Variants in ADGRL2 observed in about 807,000 individuals in gnomAD.
ADGRL2 encodes the protein calcium-independent alpha-latrotoxin receptor 2.
Under a neutral mutation model 157.4 loss-of-function variants are expected in ADGRL2, and 44 were observed. The ratio of observed to expected loss-of-function variants is 0.28; its 90% CI spans 0.22 to 0.36. The LOEUF is 0.36. ADGRL2 is among the 10% of genes least tolerant of loss of function. ADGRL2 has a pLI of 1.00. For synonymous variants in ADGRL2, 585 were observed against 624.7 expected, an observed-to-expected ratio of 0.94 and a Z score of 0.95; for missense variants, 1,510 against 1,768.9, an observed-to-expected ratio of 0.85 and a Z score of 2.63.
In ADGRL2 at chr1:81,981,890, A is replaced by T; in HGVS notation, c.3196A>T (p.Thr1066Ser). The change falls in exon 19 of 24, where the codon ACT (threonine) becomes TCT (serine). Residue 1066 changes from threonine to serine, a missense_variant. By Grantham distance (58) the Thr-to-Ser change is moderately conservative. Coordinates refer to ENST00000686636, the MANE Select transcript of ADGRL2 (RefSeq NM_001366006.2). ...SFGLLFINEE[T>S]IVMAYLFTIF... Reference sequence around the variant, plus strand: ...TGGGTTGCTTTTTATTAATGAGGAGACTATTGTGATGGCATATCTCTTCAC... The same window carrying T: ...TGGGTTGCTTTTTATTAATGAGGAGTCTATTGTGATGGCATATCTCTTCAC... 3 of 1,612,120 alleles carry T rather than the reference A, an allele frequency of 1.9e-6. No individual in the cohort carries two copies. Among genetic ancestry groups the T allele is most frequent in the Non-Finnish European group, 2.5e-6 (3 of 1,178,822 alleles).
chr1:81,877,828 G>A (rs966455431), intron 2 of ADGRL2, among the ~76,000 whole-genome samples: 2 of 152,038 alleles, frequency 1.3e-5, no homozygotes, highest in African/African-American at 4.8e-5. Context: ...GTTATTGAGT[G>A]TGACTTATCT....
chr1:81,987,347 C>T (rs1663459716), intron 22 of ADGRL2: 5 of 1,500,170 alleles, frequency 3.3e-6, no homozygotes, highest in Non-Finnish European at 4.6e-6. Context: ...TAGAGGTATC[C>T]TATCTATATA....
intron 2 of ADGRL2, among the ~76,000 whole-genome samples, chr1:81,894,892 A>G (rs2094348113): frequency 6.6e-6 from 1 of 152,118 alleles, no homozygotes; most frequent in Non-Finnish European, 1.5e-5. Context: ...GAGGAAAGAC[A>G]TGACATCACA....
chr1:81,367,590 G>A (rs573631324), intron 1 of ADGRL2, among the ~76,000 whole-genome samples: 247 of 151,988 alleles, frequency 1.6e-3, no homozygotes, highest in African/African-American at 5.5e-3. Context: ...ACGGAGTTTC[G>A]CTCTTATTGC....
chr1:81,519,212 T>C (rs1365752623), intron 2 of ADGRL2, among the ~76,000 whole-genome samples: 2 of 152,222 alleles, frequency 1.3e-5, no homozygotes, highest in African/African-American at 4.8e-5. Flanking sequence ...AGTTTTGACA[T>C]CATGGCAAAA....
At chr1:81,778,698 T>C (rs546384437) in intron 2 of ADGRL2, among the ~76,000 whole-genome samples, 3 of 152,258 alleles carry the variant, frequency 2.0e-5, no homozygotes, top group South Asian at 4.1e-4. Flanking sequence ...CTCCTCCCCA[T>C]TTTTCAAAGG....
chr1:81,527,569 G>T (rs1263177044), intron 2 of ADGRL2, among the ~76,000 whole-genome samples: 1 of 152,088 alleles, frequency 6.6e-6, no homozygotes, highest in Admixed American at 6.5e-5. Flanking sequence ...AAAATTAGCT[G>T]GGCGTGGTGG....
rs985485649 is a variant in ADGRL2 at position 81,669,753 on chromosome 1, T to C, written c.-143+88773T>C. The stretch of plus-strand genomic sequence containing the variant: ...GTCAGGAGATCGAGACCATCCTGGC[T>C]AACACGGTGAAACCCTGTCTCTACT... On this transcript the variant is annotated intron_variant, in intron 3 of 24. Coordinates refer to the ADGRL2 transcript ENST00000370721. Among the ~76,000 whole-genome samples the C allele has an allele frequency of 5.9e-5, 9 of 151,868 alleles. No individual in the cohort carries two copies. The East Asian group carries it at 7.8e-4, about 13-fold the overall frequency.
rs1457702308 is a variant in ADGRL2, at chr1:81,335,149, G to T, written c.-302+28640G>T. On this transcript the variant is annotated intron_variant, in intron 1 of 24. Transcript: ENST00000370721. ...GTTTGAATCTTATAATTCTTCCAAG[G>T]CCTTATGAATCATCTTATAATAACA... Among the ~76,000 whole-genome samples, 2 of 151,962 alleles carry T rather than the reference G, an allele frequency of 1.3e-5. 1 individual carries two copies. The highest frequency in any genetic ancestry group is 4.2e-4 in the South Asian group (2 of 4,814).
At chr1:81,980,409 CAAAT>C (rs1661321731) in intron 18 of ADGRL2, among the ~76,000 whole-genome samples, 1 of 151,646 alleles carries the variant, frequency 6.6e-6, no homozygotes, top group African/African-American at 2.4e-5. Flanking sequence ...TCATGCTAAA[CAAAT>C]ATTTACTTTT....
chr1:81,878,957 A>T (rs2151168083), intron 2 of ADGRL2, among the ~76,000 whole-genome samples: 1 of 152,362 alleles, frequency 6.6e-6, no homozygotes, highest in South Asian at 2.1e-4. Flanking sequence ...ATTCTGAAAG[A>T]AGATACTTCC....
intron 1 of ADGRL2, among the ~76,000 whole-genome samples, chr1:81,351,340 G>C (rs1383108836): frequency 6.6e-6 from 1 of 151,446 alleles, no homozygotes. Flanking sequence ...CTTTTGTTCT[G>C]CACCAGAGCC....
At chr1:81,810,389 T>C (rs539695201) in intron 1 of ADGRL2, among the ~76,000 whole-genome samples, 2 of 132,580 alleles carry the variant, frequency 1.5e-5, no homozygotes, top group South Asian at 5.2e-4. Context: ...AGTATTTCTA[T>C]GTGGAATTAT....
At chr1:81,541,430 G>A (rs546057087) in intron 2 of ADGRL2, among the ~76,000 whole-genome samples, 1 of 152,246 alleles carries the variant, frequency 6.6e-6, no homozygotes, top group South Asian at 2.1e-4. Flanking sequence ...CACTTTACCA[G>A]TGTATGATAA....
At chr1:81,502,023 T>A in intron 2 of ADGRL2, 34 of 1,603,626 alleles carry the variant, frequency 2.1e-5, no homozygotes, top group Non-Finnish European at 2.8e-5. Context: ...GTGGCCCAAG[T>A]GTTTGAACGG....
intron 2 of ADGRL2, among the ~76,000 whole-genome samples, chr1:81,779,628 T>G (rs2086734447): frequency 6.6e-6 from 1 of 152,318 alleles, no homozygotes; most frequent in Non-Finnish European, 1.5e-5. Flanking sequence ...GCATATGCTG[T>G]TTTAAATTCA....
At chr1:81,316,153 G>A (rs1050718272) in intron 1 of ADGRL2, among the ~76,000 whole-genome samples, 4 of 150,620 alleles carry the variant, frequency 2.7e-5, no homozygotes, top group Non-Finnish European at 5.9e-5. Context: ...GAAAAAAGAA[G>A]AAAGGTAGAC....
chr1:81,741,342 C>T (rs1184315938), intron 1 of ADGRL2, among the ~76,000 whole-genome samples: 2 of 151,960 alleles, frequency 1.3e-5, no homozygotes, highest in African/African-American at 2.4e-5. Flanking sequence ...GTATATTTTA[C>T]ATTTTTAGTG....
In ADGRL2 at chr1:81,963,872, T is replaced by G. The variant is rs530494555; in HGVS notation, c.2018-2186T>G. Among the ~76,000 whole-genome samples, 4 of 151,322 alleles carry G rather than the reference T, an allele frequency of 2.6e-5. No homozygotes were observed. In the South Asian group the frequency reaches 8.4e-4, roughly 32 times the overall value. On this transcript the variant is annotated intron_variant, in intron 11 of 23. Transcript: ENST00000686636. ...TTTTTCTGTTTTCTGAAACAGAAAA[T>G]AGAAATCTTATTTAAAATTCAGTAT...
Sources: gnomAD v4.1 joint callset for allele counts (sites outside exome capture counted in the v4.1 genomes callset) on GRCh38, gnomAD v4.1.1 for gene constraint, MANE v1.5 for transcripts, NCBI Gene and HGNC (gene_info 2026-07-23, HGNC 2026-07-21) for gene names.